Variants in CADM1 observed in about 807,000 individuals in gnomAD.
CADM1 encodes cell adhesion molecule 1, also known as TSLC-1.
CADM1 carries 15 observed loss-of-function variants against 53.1 expected under a neutral mutation model. The observed-to-expected ratio is 0.28, with a 90% CI of 0.19 to 0.44. The LOEUF (loss-of-function observed/expected upper bound fraction) is 0.44, where lower values mean the gene tolerates loss of function less well. CADM1 is among the 20% of genes least tolerant of loss of function. The pLI is 1.00. For synonymous variants in CADM1, 281 were observed against 243.0 expected, an observed-to-expected ratio of 1.16 and a Z score of -1.45; for missense variants, 434 against 611.3, an observed-to-expected ratio of 0.71 and a Z score of 3.06.
chr11:115,388,683 A>T (rs912646192), intron 1 of CADM1, among the ~76,000 whole-genome samples: 2 of 152,118 alleles, frequency 1.3e-5, no homozygotes, highest in African/African-American at 2.4e-5. Flanking sequence ...TCATGACAAA[A>T]CATCAAACTC....
intron 1 of CADM1, among the ~76,000 whole-genome samples, chr11:115,464,980 T>C (rs1948868246): frequency 6.6e-6 from 1 of 152,192 alleles, no homozygotes; most frequent in Non-Finnish European, 1.5e-5. Flanking sequence ...TTTACAGCAT[T>C]GTTGGGCTGA....
At position 115,202,644 on chromosome 11, in the gene CADM1, T is replaced by A. The variant is rs138879748; in HGVS notation, c.1079-4206A>T. On this transcript the variant is annotated intron_variant, in intron 8 of 11. Transcript: ENST00000331581. ...GCCTAAATGAAAGCATACTAAGCAG[T>A]TAGACATATTTTAATACACTTTCTC... 2.4e-3 allele frequency among the ~76,000 whole-genome samples: 359 copies of A among 152,250 alleles called. 2 individuals are homozygous for A. The highest frequency in any genetic ancestry group is 0.017 in the Middle Eastern group (5 of 294).
At chr11:115,184,339 G>A (rs1003602115) in intron 10 of CADM1, among the ~76,000 whole-genome samples, 11 of 152,194 alleles carry the variant, frequency 7.2e-5, no homozygotes, top group Non-Finnish European at 1.5e-4. Context: ...TACTGAAGGG[G>A]AACAAACTGA....
intron 1 of CADM1, among the ~76,000 whole-genome samples, chr11:115,249,998 G>A (rs4938191): frequency 0.24 from 36,575 of 152,024 alleles, 5,006 homozygotes; most frequent in East Asian, 0.66. Flanking sequence ...TCCGCCTCCC[G>A]GGTTCACACC....
chr11:115,458,493 A>ATT (rs1948726257), intron 1 of CADM1, among the ~76,000 whole-genome samples: 1 of 143,638 alleles, frequency 7.0e-6, no homozygotes, highest in East Asian at 2.0e-4. Context: ...TGTTAGCTGT[A>ATT]ATTATTATTA....
intron 1 of CADM1, among the ~76,000 whole-genome samples, chr11:115,312,396 G>A (rs968805171): frequency 3.3e-5 from 5 of 152,042 alleles, no homozygotes; most frequent in African/African-American, 1.2e-4. Context: ...AGCATCTCAT[G>A]TTTTGATTAC....
At chr11:115,356,919 T>C (rs1462968969) in intron 1 of CADM1, among the ~76,000 whole-genome samples, 1 of 152,188 alleles carries the variant, frequency 6.6e-6, no homozygotes, top group Non-Finnish European at 1.5e-5. Context: ...AAGATAGCAT[T>C]ATAACCAAAA....
intron 1 of CADM1, among the ~76,000 whole-genome samples, chr11:115,259,275 C>T (rs979046273): frequency 6.0e-5 from 9 of 149,712 alleles, no homozygotes; most frequent in Admixed American, 2.0e-4. Context: ...CGTGCGCCAC[C>T]GCACCCAGTC....
intron 1 of CADM1, among the ~76,000 whole-genome samples, chr11:115,418,373 G>A (rs949846118): frequency 2.0e-5 from 3 of 152,020 alleles, no homozygotes; most frequent in African/African-American, 7.2e-5. Context: ...AGTCAAGATG[G>A]CTATATTTAG....
intron 1 of CADM1, among the ~76,000 whole-genome samples, chr11:115,417,870 T>C (rs1225252563): frequency 1.3e-5 from 2 of 152,184 alleles, no homozygotes; most frequent in African/African-American, 4.8e-5. Context: ...CCTGATAGAT[T>C]TAATTCAAAT....
intron 1 of CADM1, among the ~76,000 whole-genome samples, chr11:115,270,009 C>T (rs756532023): frequency 2.4e-4 from 37 of 152,150 alleles, no homozygotes; most frequent in Non-Finnish European, 4.3e-4. Flanking sequence ...GTTTAGGCGA[C>T]GAAGAGGATT....
At chr11:115,384,472 T>C (rs539364762) in intron 1 of CADM1, among the ~76,000 whole-genome samples, 2 of 152,330 alleles carry the variant, frequency 1.3e-5, no homozygotes, top group African/African-American at 4.8e-5. Flanking sequence ...TGGCAGTCGA[T>C]TGGCTGTTAT....
intron 1 of CADM1, among the ~76,000 whole-genome samples, chr11:115,348,137 G>C (rs1282935347): frequency 1.3e-5 from 2 of 152,130 alleles, no homozygotes; most frequent in African/African-American, 4.8e-5. Flanking sequence ...ATTGAAAAGA[G>C]AAACCACACC....
intron 1 of CADM1, among the ~76,000 whole-genome samples, chr11:115,283,005 A>T (rs935758532): frequency 6.6e-6 from 1 of 152,178 alleles, no homozygotes; most frequent in African/African-American, 2.4e-5. Context: ...GGGCTGAATT[A>T]TGCTCCACAC....
At chr11:115,177,802 C>T (rs1389206843) in intron 11 of CADM1, among the ~76,000 whole-genome samples, 1 of 152,022 alleles carries the variant, frequency 6.6e-6, no homozygotes, top group Non-Finnish European at 1.5e-5. Flanking sequence ...CACTCTGTAT[C>T]CTAAAGGTGC....
At position 115,178,643 on chromosome 11, in the gene CADM1, C is replaced by T; in HGVS notation, c.1297+1G>A. ...CTTCTGTCTGCTGAAGCTTTGCTTA[C>T]CTTTATGTCTGGCAAAATAGCGCCC... On this transcript the variant is annotated splice_donor_variant, in intron 11 of 11. Coordinates refer to ENST00000331581, the MANE Select transcript of CADM1 (RefSeq NM_001301043.2). LOFTEE classifies it high-confidence loss of function. 6.2e-7 allele frequency: 1 copy of T among 1,612,976 alleles called. No individual in the cohort carries two copies. Among genetic ancestry groups the T allele is most frequent in the Non-Finnish European group, 8.5e-7 (1 of 1,179,986 alleles).
intron 11 of CADM1, among the ~76,000 whole-genome samples, chr11:115,177,093 C>G (rs557593723): frequency 1.3e-5 from 2 of 152,262 alleles, no homozygotes; most frequent in East Asian, 3.9e-4. Flanking sequence ...TGTTGCCTAC[C>G]CATAGGTGAG....
At chr11:115,196,595 T>TA (rs61694033) in intron 9 of CADM1, among the ~76,000 whole-genome samples, 29,827 of 76,626 alleles carry the variant, frequency 0.39, 6,305 homozygotes, top group East Asian at 0.47. Flanking sequence ...GCTGATGAAC[T>TA]AAAAAAAAAA....
chr11:115,286,465 C>G (rs965286423), intron 1 of CADM1, among the ~76,000 whole-genome samples: 10 of 152,264 alleles, frequency 6.6e-5, no homozygotes, highest in African/African-American at 2.4e-4. Context: ...TTACTATATG[C>G]ATTTTCAAAG....
Sources: gnomAD v4.1 joint callset for allele counts (sites outside exome capture counted in the v4.1 genomes callset) on GRCh38, gnomAD v4.1.1 for gene constraint, MANE v1.5 for transcripts, NCBI Gene and HGNC (gene_info 2026-07-23, HGNC 2026-07-21) for gene names.